Variants in TRMT44 observed in about 807,000 individuals in gnomAD.
TRMT44 encodes the protein probable tRNA (uracil-O(2)-)-methyltransferase.
A neutral mutation model predicts 77.3 loss-of-function variants in TRMT44; 78 were observed. The observed-to-expected ratio is 1.01, with a 90% confidence interval of 0.84 to 1.22. The LOEUF is 1.22. TRMT44 is among the 50% of genes most tolerant of loss of function. The probability of loss-of-function intolerance (pLI) is 0.00; values close to 1 mark genes in which losing one functional copy is unlikely to be tolerated. For missense variants in TRMT44, 1,090 were observed against 964.4 expected (o/e 1.13, Z -1.73); for synonymous variants, 391 against 383.3 (o/e 1.02, Z -0.23).
chr4:8,515,873 C>G, the TRMT44 span, among the ~76,000 whole-genome samples: 1 of 152,210 alleles, frequency 6.6e-6, no homozygotes, highest in East Asian at 1.9e-4. Flanking sequence ...GACATCTGTA[C>G]TTCTTCATGT....
chr4:8,510,012 G>A, the TRMT44 span, among the ~76,000 whole-genome samples: 147 of 152,292 alleles, frequency 9.7e-4, no homozygotes, highest in African/African-American at 3.5e-3. Context: ...GGGAGAATGA[G>A]TACCTGTGTC....
At chr4:8,480,218 G>C (rs1020936576), downstream of TRMT44, among the ~76,000 whole-genome samples, 1 of 152,188 alleles carries the variant, frequency 6.6e-6, no homozygotes, top group Non-Finnish European at 1.5e-5. Context: ...GCAAGTTTCC[G>C]AGCGGGAGTG....
chr4:8,483,992 C>T (rs1055968633), intron 2 of TRMT44, among the ~76,000 whole-genome samples: 1 of 152,114 alleles, frequency 6.6e-6, no homozygotes, highest in Non-Finnish European at 1.5e-5. Context: ...TGAATAATCC[C>T]TGAGGAGTAG....
chr4:8,445,271 C>A (rs769233793), intron 1 of TRMT44, among the ~76,000 whole-genome samples: 4 of 152,234 alleles, frequency 2.6e-5, no homozygotes, highest in Non-Finnish European at 5.9e-5. Context: ...GGACAACAGG[C>A]ATGGGCCATC....
chr4:8,450,085 G>C (rs1725346295), intron 3 of TRMT44, among the ~76,000 whole-genome samples, 197 bp downstream of exon 3: 1 of 150,060 alleles, frequency 6.7e-6, no homozygotes, highest in Non-Finnish European at 1.5e-5. Context: ...TCCTGCCTCA[G>C]CCTCTGGACT....
the TRMT44 span, among the ~76,000 whole-genome samples, chr4:8,513,153 A>G: frequency 6.6e-6 from 1 of 152,192 alleles, no homozygotes; most frequent in African/African-American, 2.4e-5. Flanking sequence ...CTTCAGGATA[A>G]AGAAATACCT....
rs1161814943 is a variant in TRMT44 at position 8,446,515 on chromosome 4, A to G, written c.659A>G (p.Glu220Gly). 6.5e-6 allele frequency: 10 copies of G among 1,536,504 alleles called. No individual in the cohort carries two copies. Among genetic ancestry groups the G allele is most frequent in the Non-Finnish European group, 8.7e-6 (10 of 1,147,010 alleles). Residue 220 changes from glutamate (E) to glycine (G), a missense_variant, in exon 2 of 11, where the codon GAA (glutamate) becomes GGA (glycine). Glu to Gly is a moderately conservative substitution (Grantham distance 98). Coordinates refer to ENST00000389737, the MANE Select transcript of TRMT44 (RefSeq NM_152544.3). This position sits in a 1 kb window ranked among gnomAD's most constrained non-coding sequence, Gnocchi z 4.3. ...NGTITFLPLE[E>G]DDEGNLKVKM... ...ACCATAACGTTTTTGCCTTTGGAAG[A>G]AGATGATGAGGGGAACCTAAAGGTT...
chr4:8,443,729 G>A (rs1036274723), intron 1 of TRMT44, among the ~76,000 whole-genome samples: 74 of 152,110 alleles, frequency 4.9e-4, no homozygotes, highest in Non-Finnish European at 1.8e-4. Context: ...GTAAGATCAC[G>A]AAGGTCTTAA....
At chr4:8,483,695 G>C (rs1449913039) in intron 2 of TRMT44, among the ~76,000 whole-genome samples, 1 of 152,174 alleles carries the variant, frequency 6.6e-6, no homozygotes, top group Non-Finnish European at 1.5e-5. Flanking sequence ...AATACTAAGA[G>C]CCTGAAAAAC....
intron 10 of TRMT44, among the ~76,000 whole-genome samples, chr4:8,472,828 C>T (rs1184232575): frequency 6.6e-6 from 1 of 152,184 alleles, no homozygotes; most frequent in Non-Finnish European, 1.5e-5. Flanking sequence ...GTCTGCTCTT[C>T]CTTGCATAGA....
chr4:8,450,900 C>T (rs779119256), intron 3 of TRMT44, among the ~76,000 whole-genome samples: 36 of 146,388 alleles, frequency 2.5e-4, no homozygotes, highest in African/African-American at 4.6e-4. Context: ...CGGGCTCAAG[C>T]GATTCTCCCT....
At chr4:8,493,602 C>T (rs548346958), downstream of TRMT44, 2 of 152,300 alleles carry the variant, frequency 1.3e-5, no homozygotes, top group South Asian at 4.1e-4. Flanking sequence ...CAAGGAGAAC[C>T]CTCTGGGCAG....
At chr4:8,488,890 G>A (rs950649551) in intron 2 of TRMT44, among the ~76,000 whole-genome samples, 8 of 152,200 alleles carry the variant, frequency 5.3e-5, no homozygotes, top group Non-Finnish European at 1.0e-4. Flanking sequence ...AGTGGTATTT[G>A]GAGGGGGAAC....
intron 2 of TRMT44, among the ~76,000 whole-genome samples, chr4:8,488,244 G>C (rs182869574): frequency 1.3e-4 from 20 of 152,318 alleles, no homozygotes; most frequent in Non-Finnish European, 2.5e-4. Flanking sequence ...TCCCCGGTCC[G>C]AGTCATGGCA....
At chr4:8,484,639 G>A (rs973810679) in intron 2 of TRMT44, among the ~76,000 whole-genome samples, 2 of 152,194 alleles carry the variant, frequency 1.3e-5, no homozygotes, top group South Asian at 2.1e-4. Context: ...GTTGGGATGA[G>A]TCAGGGAGAG....
At chr4:8,490,986 C>A (rs1032612281) in intron 2 of TRMT44, among the ~76,000 whole-genome samples, 1 of 152,086 alleles carries the variant, frequency 6.6e-6, no homozygotes, top group Admixed American at 6.5e-5. Context: ...TAGAGAGTGT[C>A]GACTGGTGCA....
downstream of TRMT44, among the ~76,000 whole-genome samples, chr4:8,498,338 G>A (rs978651941): frequency 6.6e-6 from 1 of 152,142 alleles, no homozygotes; most frequent in Non-Finnish European, 1.5e-5. The surrounding 1 kb of genome is among the most constrained non-coding windows in gnomAD (Gnocchi z 4.3). Flanking sequence ...GTATTCGTCT[G>A]TTCTCAAATC....
chr4:8,478,123 G>A (rs1727479965), downstream of TRMT44: 1 of 152,932 alleles, frequency 6.5e-6, no homozygotes, highest in Non-Finnish European at 1.5e-5. Flanking sequence ...GGGGAGACAG[G>A]AGAGTGGCCA....
intron 10 of TRMT44, among the ~76,000 whole-genome samples, chr4:8,472,284 G>A (rs577212753): frequency 4.6e-5 from 7 of 152,162 alleles, no homozygotes; most frequent in African/African-American, 1.7e-4. Flanking sequence ...GCTTTAGGCA[G>A]AGCGAACAGC....
Sources: gnomAD v4.1 joint callset for allele counts (sites outside exome capture counted in the v4.1 genomes callset) on GRCh38, gnomAD v4.1.1 for gene constraint, Gnocchi (gnomAD v3.1) non-coding constraint, MANE v1.5 for transcripts, NCBI Gene and HGNC (gene_info 2026-07-23, HGNC 2026-07-21) for gene names.